Variants in TDRD1 observed in about 807,000 individuals in gnomAD.
TDRD1 encodes tudor domain containing 1.
TDRD1 carries 37 observed loss-of-function variants against 140.6 expected under a neutral mutation model. That is an observed-to-expected ratio of 0.26 (90% CI 0.20 to 0.35). The LOEUF (loss-of-function observed/expected upper bound fraction) is 0.35, where lower values mean the gene tolerates loss of function less well. TDRD1 is among the 10% of genes least tolerant of loss of function. The probability of loss-of-function intolerance (pLI) is 1.00; values close to 1 mark genes in which losing one functional copy is unlikely to be tolerated. For synonymous variants in TDRD1, 506 were observed against 475.7 expected, an observed-to-expected ratio of 1.06 and a Z score of -0.83; for missense variants, 1,243 against 1,393.0, an observed-to-expected ratio of 0.89 and a Z score of 1.71.
intron 3 of TDRD1, among the ~76,000 whole-genome samples, chr10:114,194,762 T>G (rs967889711): frequency 5.3e-5 from 8 of 150,456 alleles, no homozygotes; most frequent in African/African-American, 1.9e-4. Flanking sequence ...TTGTTGGTTT[T>G]TTTTTTTTTT....
At chr10:114,186,465 C>T (rs986041490) in intron 1 of TDRD1, among the ~76,000 whole-genome samples, 2 of 151,792 alleles carry the variant, frequency 1.3e-5, no homozygotes, top group Non-Finnish European at 2.9e-5. Context: ...GGGGTTTCAC[C>T]GTGTTAGCCA....
exon 18 of TDRD1, chr10:114,218,451 C>T (rs757150806): frequency 2.5e-6 from 4 of 1,607,348 alleles, no homozygotes; most frequent in Non-Finnish European, 8.5e-7. Context: ...TCAAGGAAAT[C>T]TTACCAAATG....
intron 3 of TDRD1, 100 bp from the exon 4 acceptor site, chr10:114,199,073 A>G (rs2034557562): frequency 1.5e-6 from 2 of 1,306,512 alleles, no homozygotes; most frequent in African/African-American, 1.5e-5. Context: ...AATAAGGAAA[A>G]GTACATCTAC....
At chr10:114,201,243 T>C (rs1171262856) in intron 4 of TDRD1, among the ~76,000 whole-genome samples, 167 bp from the exon 5 acceptor site, 1 of 152,170 alleles carries the variant, frequency 6.6e-6, no homozygotes, top group South Asian at 2.1e-4. Flanking sequence ...TTAATCTTTG[T>C]AGTCATTTCT....
chr10:114,226,252 G>A, intron 22 of TDRD1, 36 bp downstream of exon 22: 1 of 1,523,656 alleles, frequency 6.6e-7, no homozygotes, highest in Non-Finnish European at 8.9e-7. Flanking sequence ...TTAGGTTTCT[G>A]GGTATTTTTT....
chr10:114,203,617 C>T (rs368580757), intron 8 of TDRD1, 50 bp downstream of exon 8: 8 of 1,507,050 alleles, frequency 5.3e-6, no homozygotes, highest in Middle Eastern at 1.8e-4. Flanking sequence ...TAACTTTGGT[C>T]GTATGAACTG....
At position 114,209,138 on chromosome 10, in the gene TDRD1, G is replaced by T. The variant is rs12251886; in HGVS notation, c.1385-1443G>T. Among the ~76,000 whole-genome samples the T allele has an allele frequency of 1.7e-3, 265 of 152,072 alleles. 1 individual carries two copies. Among genetic ancestry groups the T allele is most frequent in the Non-Finnish European group, 1.4e-3 (98 of 68,024 alleles). On this transcript the variant is annotated intron_variant, in intron 11 of 25. Transcript: ENST00000251864. ...GGAGGCTGAGGTGGGAGGAGGGCTT[G>T]GAGACCAGGAGTTTGAGGCCCCAGT...
At chr10:114,215,169 T>C (rs2035735322) in intron 16 of TDRD1, among the ~76,000 whole-genome samples, 2 of 152,172 alleles carry the variant, frequency 1.3e-5, no homozygotes. Context: ...TGCTGCCCCC[T>C]GCACTGTGAG....
At chr10:114,227,850 C>T in intron 23 of TDRD1, 60 bp from the exon 24 acceptor site, 1 of 1,415,264 alleles carries the variant, frequency 7.1e-7, no homozygotes, top group South Asian at 1.2e-5. Context: ...GTTTACACTC[C>T]CAAGTTTTTC....
chr10:114,190,832 C>A, intron 2 of TDRD1, 129 bp from the exon 3 acceptor site: 1 of 836,932 alleles, frequency 1.2e-6, no homozygotes, highest in Non-Finnish European at 1.9e-6. Context: ...TGCTTATGTT[C>A]TGGTGTAGCT....
At chr10:114,207,147 T>G (rs188399726) in intron 11 of TDRD1, among the ~76,000 whole-genome samples, 285 of 152,350 alleles carry the variant, frequency 1.9e-3, no homozygotes, top group African/African-American at 6.3e-3. Flanking sequence ...GTTTGTATTA[T>G]CTTTTTGATC....
chr10:114,183,469 C>T (rs1319697956), intron 1 of TDRD1, among the ~76,000 whole-genome samples: 3 of 152,152 alleles, frequency 2.0e-5, no homozygotes, highest in Non-Finnish European at 4.4e-5. Context: ...AAGATATCCT[C>T]ATCAACCCAC....
chr10:114,215,060 A>G (rs2035727309), intron 16 of TDRD1, among the ~76,000 whole-genome samples: 1 of 152,100 alleles, frequency 6.6e-6, no homozygotes, highest in Non-Finnish European at 1.5e-5. Flanking sequence ...CTCTCTTTCA[A>G]AAGTAAACAT....
chr10:114,200,243 C>G (rs1315433273), intron 4 of TDRD1, among the ~76,000 whole-genome samples: 3 of 152,148 alleles, frequency 2.0e-5, no homozygotes. Flanking sequence ...TTGCAGTGCT[C>G]TCGTGATCAA....
intron 18 of TDRD1, 69 bp downstream of exon 18, chr10:114,218,653 C>T: frequency 9.3e-7 from 1 of 1,078,038 alleles, no homozygotes. Flanking sequence ...GTGTTAATAT[C>T]TACAATGTTA....
intron 25 of TDRD1, chr10:114,228,905 G>T (rs575693015): frequency 2.9e-6 from 1 of 348,724 alleles, no homozygotes; most frequent in Non-Finnish European, 4.0e-6. Flanking sequence ...CCAAGATGGC[G>T]AAACACTGCC....
At chr10:114,201,667 A>G (rs1373662464) in intron 5 of TDRD1, 152 bp downstream of exon 5, 21 of 576,878 alleles carry the variant, frequency 3.6e-5, no homozygotes, top group Middle Eastern at 4.5e-4. Context: ...GAACAGCTCT[A>G]TGAACTTAAT....
chr10:114,227,323 T>C (rs1230225543), intron 23 of TDRD1, 24 bp downstream of exon 23: 1 of 1,482,512 alleles, frequency 6.7e-7, no homozygotes, highest in Non-Finnish European at 9.4e-7. Flanking sequence ...GTGTTATTAA[T>C]AACAGATGTT....
At chr10:114,228,234 G>T (rs972223278) in intron 25 of TDRD1, 6 of 1,445,650 alleles carry the variant, frequency 4.2e-6, no homozygotes, top group Non-Finnish European at 5.5e-6. Context: ...TTGTAAGGCT[G>T]TACTTTCGTG....
Sources: gnomAD v4.1 joint callset for allele counts (sites outside exome capture counted in the v4.1 genomes callset) on GRCh38, gnomAD v4.1.1 for gene constraint, MANE v1.5 for transcripts, NCBI Gene and HGNC (gene_info 2026-07-23, HGNC 2026-07-21) for gene names.